C12orf56: variants seen among roughly 807,000 people sequenced by gnomAD.
C12orf56 encodes the protein uncharacterized protein C12orf56.
Under a neutral mutation model 69.9 loss-of-function variants are expected in C12orf56, and 71 were observed. The observed-to-expected ratio is 1.02, with a 90% CI of 0.84 to 1.24. The LOEUF is 1.24. Among genes scored for constraint, C12orf56 ranks in the 50% most tolerant of loss-of-function variants. The pLI, the probability that C12orf56 is intolerant of heterozygous loss-of-function variation, is 0.00. For missense variants in C12orf56, 732 were observed against 738.5 expected (o/e 0.99, Z 0.10); for synonymous variants, 276 against 274.1 (o/e 1.01, Z -0.07).
At position 64,353,008 on chromosome 12, in the gene C12orf56, G is replaced by A. The variant is rs757766449; in HGVS notation, c.301C>T (p.Gln101Ter). 15 of 1,610,506 alleles carry A rather than the reference G, an allele frequency of 9.3e-6. No homozygotes were observed. The highest frequency in any genetic ancestry group is 1.1e-5 in the Non-Finnish European group (13 of 1,179,114). Residue 101 changes from glutamine (Q) to a stop codon, truncating the protein, a stop_gained, in exon 2 of 13, where the codon CAA (glutamine) becomes TAA (stop). Transcript: ENST00000543942. LOFTEE classifies it high-confidence loss of function. ...GAAGAATAGATGATACGAATGTGTTGGCTGATTTCTCTATCTGGCGAACTC... is the reference window on the plus strand; with the variant it reads ...GAAGAATAGATGATACGAATGTGTTAGCTGATTTCTCTATCTGGCGAACTC... ...FLSSPDREIS[Q>*]HIRIIYSSTV...
At chr12:64,329,543 C>T (rs1022454865) in intron 3 of C12orf56, among the ~76,000 whole-genome samples, 3 of 148,050 alleles carry the variant, frequency 2.0e-5, no homozygotes, top group African/African-American at 2.5e-5. Flanking sequence ...TTTATTATTA[C>T]ACTTTAAGTT....
intron 2 of C12orf56, among the ~76,000 whole-genome samples, chr12:64,352,092 TG>T (rs1312798918): frequency 1.8e-5 from 2 of 109,568 alleles, no homozygotes; most frequent in African/African-American, 3.3e-5. Context: ...TTTTTGTTTT[TG>T]TTTTTGTTTT....
At chr12:64,276,031 C>A (rs1049116736) in intron 9 of C12orf56, among the ~76,000 whole-genome samples, 7 of 147,926 alleles carry the variant, frequency 4.7e-5, no homozygotes, top group Non-Finnish European at 1.0e-4. Flanking sequence ...GTGAGAGATT[C>A]TCTGGGGAAT....
chr12:64,284,987 C>T (rs1360110350), intron 7 of C12orf56, among the ~76,000 whole-genome samples: 2 of 152,128 alleles, frequency 1.3e-5, no homozygotes, highest in African/African-American at 4.8e-5. Flanking sequence ...ACATATCACT[C>T]ATGCTGTAAT....
chr12:64,376,066 C>A (rs2039635473), intron 1 of C12orf56, among the ~76,000 whole-genome samples: 1 of 32,974 alleles, frequency 3.0e-5, no homozygotes. Context: ...AGATGAGATG[C>A]ACCAAAACTG....
intron 6 of C12orf56, among the ~76,000 whole-genome samples, chr12:64,296,092 T>C (rs2038361052): frequency 6.6e-6 from 1 of 152,156 alleles, no homozygotes. Context: ...AGAATTCTAA[T>C]ACAGATTTTG....
rs1430107247 is a variant in C12orf56, at chr12:64,270,517, T to C, written c.1763+19A>G. The C allele has an allele frequency of 8.0e-6, 12 of 1,496,864 alleles. No homozygotes were observed. The East Asian group carries it at 2.7e-4, about 33-fold the overall frequency. The allele number at this position is 1,496,864 out of a possible 1,614,324, so 92.7% of individuals were successfully genotyped here. A position where few individuals can be genotyped will look rare whatever the true frequency, so the allele number is the denominator to read the frequency against. The stretch of plus-strand genomic sequence containing the variant: ...GAGTGAAATCTTACTGCAGATTAGA[T>C]TCAGACATTTTTTCTTACCTGAATT... On this transcript the variant is annotated intron_variant, in intron 12 of 12. Transcript: ENST00000543942.
intron 11 of C12orf56, 30 bp downstream of exon 11, chr12:64,274,871 G>A (rs370660937): frequency 3.9e-6 from 6 of 1,524,974 alleles, no homozygotes; most frequent in Non-Finnish European, 2.7e-6. Flanking sequence ...AGGCTTGGGG[G>A]TGATTTCGTT....
At chr12:64,317,591 C>G (rs1005320401) in intron 4 of C12orf56, among the ~76,000 whole-genome samples, 5 of 152,038 alleles carry the variant, frequency 3.3e-5, no homozygotes, top group African/African-American at 1.2e-4. Context: ...AAAACCCCGT[C>G]TCTACCAAAA....
intron 4 of C12orf56, among the ~76,000 whole-genome samples, chr12:64,317,215 TA>T (rs947556820): frequency 3.3e-4 from 50 of 152,258 alleles, no homozygotes; most frequent in African/African-American, 1.2e-3. Flanking sequence ...GGTTGTCCTG[TA>T]ATTTTTCATA....
chr12:64,271,779 T>C (rs2136743319), intron 11 of C12orf56, among the ~76,000 whole-genome samples: 1 of 152,304 alleles, frequency 6.6e-6, no homozygotes, highest in South Asian at 2.1e-4. Flanking sequence ...CAGAACAATG[T>C]TAATTAGCCT....
intron 12 of C12orf56, among the ~76,000 whole-genome samples, chr12:64,268,829 A>G (rs2037944208): frequency 6.6e-6 from 1 of 152,052 alleles, no homozygotes; most frequent in African/African-American, 2.4e-5. Context: ...AGAATGGAAC[A>G]CCTCATGGAA....
chr12:64,309,942 T>C (rs1323144512), intron 5 of C12orf56, among the ~76,000 whole-genome samples: 2 of 152,150 alleles, frequency 1.3e-5, no homozygotes, highest in Non-Finnish European at 2.9e-5. Flanking sequence ...ACTGAAGTGA[T>C]ACTAAGACAA....
chr12:64,369,474 A>C (rs1011926365), intron 1 of C12orf56, among the ~76,000 whole-genome samples: 1 of 152,150 alleles, frequency 6.6e-6, no homozygotes, highest in African/African-American at 2.4e-5. Flanking sequence ...CTGGGATTAC[A>C]GGCGAGAGCC....
Position 64,270,566 on chromosome 12 carries a change from T to C in C12orf56, c.1733A>G (p.Tyr578Cys), listed in dbSNP as rs754570294. Residue 578 changes from tyrosine (Y) to cysteine (C), a missense_variant, in exon 12 of 13, where the codon TAT (tyrosine) becomes TGT (cysteine). Tyr to Cys is a radical substitution (Grantham distance 194, BLOSUM62 -2). Transcript: ENST00000543942. The stretch of plus-strand genomic sequence containing the variant: ...TTCTTCTCTGTAGTTATTCCTAATA[T>C]ACTCAGCTAGAGTCCTGCTGTGCCG... ...CLRHSRTLAE[Y>C]IRNNYREEFR... is the part of the protein sequence containing the mutation. 1.2e-6 allele frequency: 2 copies of C among 1,601,688 alleles called. No individual in the cohort carries two copies. Among genetic ancestry groups the C allele is most frequent in the South Asian group, 1.1e-5 (1 of 88,694 alleles).
chr12:64,374,217 G>A (rs1282861173), intron 1 of C12orf56, among the ~76,000 whole-genome samples: 1 of 152,168 alleles, frequency 6.6e-6, no homozygotes, highest in Non-Finnish European at 1.5e-5. Flanking sequence ...TTATTTCAGT[G>A]TTAGGCTTGA....
intron 2 of C12orf56, chr12:64,338,037 G>A (rs1485873306): frequency 3.9e-6 from 1 of 257,188 alleles, no homozygotes; most frequent in Non-Finnish European, 7.5e-6. Context: ...TAGTGACAGA[G>A]GGGCATCACT....
At chr12:64,321,786 G>A (rs2038777079) in intron 3 of C12orf56, among the ~76,000 whole-genome samples, 1 of 151,978 alleles carries the variant, frequency 6.6e-6, no homozygotes, top group Non-Finnish European at 1.5e-5. Flanking sequence ...GGTATGTATT[G>A]GCATTAAGTT....
rs1383538936 is a variant in C12orf56 at position 64,354,817 on chromosome 12, G to T, written c.253-1761C>A. 2.0e-5 allele frequency among the ~76,000 whole-genome samples: 3 copies of T among 146,434 alleles called. No individual in the cohort carries two copies. In the East Asian group the frequency reaches 6.7e-4, roughly 33 times the overall value. ...GGGGTTGCCAGGTGCGGTGGCTCACGCCTGTAATCCCAGAGCTTTGGGAGG... is the reference window on the plus strand; with the variant it reads ...GGGGTTGCCAGGTGCGGTGGCTCACTCCTGTAATCCCAGAGCTTTGGGAGG... On this transcript the variant is annotated intron_variant, in intron 1 of 12. Transcript: ENST00000543942.
Sources: gnomAD v4.1 joint callset for allele counts (sites outside exome capture counted in the v4.1 genomes callset) on GRCh38, gnomAD v4.1.1 for gene constraint, MANE v1.5 for transcripts, NCBI Gene and HGNC (gene_info 2026-07-23, HGNC 2026-07-21) for gene names.